Variants in PTPRF observed in about 807,000 individuals in gnomAD.
PTPRF encodes receptor-type tyrosine-protein phosphatase F.
Under a neutral mutation model 201.8 loss-of-function variants are expected in PTPRF, and 59 were observed. That is an observed-to-expected ratio of 0.29 (90% CI 0.24 to 0.36). The LOEUF (loss-of-function observed/expected upper bound fraction) is 0.36. PTPRF is among the 10% of genes least tolerant of loss of function. PTPRF has a pLI of 1.00. For synonymous variants in PTPRF, 1,088 were observed against 1,089.7 expected, an observed-to-expected ratio of 1.00 and a Z score of 0.03; for missense variants, 2,132 against 2,690.5, an observed-to-expected ratio of 0.79 and a Z score of 4.59.
chr1:43,579,235 GGTGTATGTGCAT>G (rs1350834390), intron 7 of PTPRF: 1 of 578,570 alleles, frequency 1.7e-6, no homozygotes, highest in Non-Finnish European at 3.4e-6. Flanking sequence ...CCGACTTCTT[GGTGTATGTGCAT>G]GTGTGTGTGC....
intron 8 of PTPRF, among the ~76,000 whole-genome samples, 158 bp from the exon 9 acceptor site, chr1:43,590,814 G>A (rs1650481684): frequency 6.6e-6 from 1 of 152,218 alleles, no homozygotes; most frequent in Non-Finnish European, 1.5e-5. Context: ...TGCCTTCAGA[G>A]GTCACCATAA....
rs1293508291 is a variant in PTPRF at position 43,553,112 on chromosome 1, A to ACGCCTTTTT, written c.92-378_92-370dup. Among the ~76,000 whole-genome samples, 2 of 152,130 alleles carry ACGCCTTTTT rather than the reference A, an allele frequency of 1.3e-5. No homozygotes were observed. Among genetic ancestry groups the ACGCCTTTTT allele is most frequent in the Admixed American group, 1.3e-4 (2 of 15,270 alleles). The stretch of plus-strand genomic sequence containing the variant: ...GAGCTCTTCCCAGCAGCTCTCCAGC[A>ACGCCTTTTT]CGCCTTTTTCCTGGAGCTTGGAATT... On this transcript the variant is annotated intron_variant, in intron 3 of 33. Coordinates refer to ENST00000359947, the MANE Select transcript of PTPRF (RefSeq NM_002840.5). This position sits in a 1 kb window ranked among gnomAD's most constrained non-coding sequence, Gnocchi z 4.1.
At position 43,590,982 on chromosome 1, in the gene PTPRF, G is replaced by A; in HGVS notation, c.960G>A (p.Lys320=). ...TAQVTVKALP[K]PPIDLVVTET... ...CCACTTTGTCTCCAGCTCTTCCAAA[G>A]CCTCCGATTGATCTTGTGGTGACAG... is the stretch of plus-strand genomic sequence containing the variant. Residue 320 remains lysine, a synonymous_variant, in exon 9 of 34, where the codon AAG becomes AAA. Coordinates refer to ENST00000359947, the MANE Select transcript of PTPRF (RefSeq NM_002840.5). 1 of 1,607,046 alleles carries A rather than the reference G, an allele frequency of 6.2e-7. No homozygotes were observed. The highest frequency in any genetic ancestry group is 1.3e-5 in the African/African-American group (1 of 74,892).
At position 43,622,639 on chromosome 1, in the gene PTPRF, A is replaced by C. The variant is rs1222174072; in HGVS notation, c.*636A>C. The C allele has an allele frequency of 6.5e-6, 1 of 152,706 alleles. No individual in the cohort carries two copies. Among genetic ancestry groups the C allele is most frequent in the South Asian group, 2.1e-4 (1 of 4,832 alleles). The allele number at this position is 152,706 out of a possible 1,614,324, so 9.5% of individuals were successfully genotyped here. ...GATCCTGTTTCAGCTAAATGCAGGGAAACTCAATGTTTTTTTAAGTTTTGT... is the reference window on the plus strand; with the variant it reads ...GATCCTGTTTCAGCTAAATGCAGGGCAACTCAATGTTTTTTTAAGTTTTGT... On this transcript the variant is annotated 3_prime_UTR_variant, in exon 34 of 34. Transcript: ENST00000359947.
At position 43,604,019 on chromosome 1, in the gene PTPRF, G is replaced by A. The variant is rs141556963; in HGVS notation, c.2867G>A (p.Arg956Gln). The A allele has an allele frequency of 5.6e-6, 9 of 1,614,096 alleles. No individual in the cohort carries two copies. Among genetic ancestry groups the A allele is most frequent in the South Asian group, 1.1e-5 (1 of 91,082 alleles). ...ATCATCAGCTACACCGTGGTGTTCC[G>A]AGACATCAACAGCCAACAGGAGCTG... is the stretch of plus-strand genomic sequence containing the variant. ...GRIISYTVVF[R>Q]DINSQQELQN... Residue 956 changes from arginine to glutamine, a missense_variant, in exon 16 of 34, where the codon CGA becomes CAA. This residue lies in a region of PTPRF where 818 missense variants were observed against 915.3 expected (regional missense o/e 0.89). Transcript: ENST00000359947.
intron 9 of PTPRF, 47 bp from the exon 10 acceptor site, chr1:43,591,764 CT>C (rs775774088): frequency 1.0e-4 from 162 of 1,606,642 alleles, no homozygotes; most frequent in Non-Finnish European, 1.3e-4. Context: ...CTGGGCACCC[CT>C]GACCTCACGC....
At position 43,619,711 on chromosome 1, in the gene PTPRF, G is replaced by A. The variant is rs755516127; in HGVS notation, c.4964G>A (p.Arg1655His). The A allele has an allele frequency of 5.0e-6, 8 of 1,614,082 alleles. No homozygotes were observed. The highest frequency in any genetic ancestry group is 3.3e-5 in the South Asian group (3 of 91,092). ...GCCAGCTCCAAGGCCCACACGTCCC[G>A]CTTCATCAGCGCCAACCTGCCCTGC... ...LLASSKAHTS[R>H]FISANLPCNK... The change falls in exon 29 of 34, where the codon CGC becomes CAC. Residue 1655 changes from arginine to histidine, a missense_variant. Coordinates refer to ENST00000359947, the MANE Select transcript of PTPRF (RefSeq NM_002840.5).
chr1:43,596,228 G>A (rs1463275382), intron 11 of PTPRF, among the ~76,000 whole-genome samples: 1 of 152,186 alleles, frequency 6.6e-6, no homozygotes, highest in East Asian at 1.9e-4. Context: ...GACTGAGCAA[G>A]AACAAGGGGG....
intron 23 of PTPRF, among the ~76,000 whole-genome samples, chr1:43,616,414 A>T (rs990055659): frequency 2.6e-5 from 4 of 151,768 alleles, no homozygotes; most frequent in Non-Finnish European, 5.9e-5. Flanking sequence ...TTTTGGAAGG[A>T]TTATTCTGGC....
chr1:43,522,749 T>A (rs1642990479), upstream of PTPRF, among the ~76,000 whole-genome samples: 5 of 151,620 alleles, frequency 3.3e-5, no homozygotes, highest in Admixed American at 3.3e-4. Flanking sequence ...ATGCAGTATG[T>A]TTGAGGAATT....
At chr1:43,583,136 G>A (rs923993883) in intron 7 of PTPRF, 79 of 977,116 alleles carry the variant, frequency 8.1e-5, no homozygotes, top group Non-Finnish European at 9.2e-5. Flanking sequence ...TTCGCCCATC[G>A]ATGGGACACG....
intron 5 of PTPRF, among the ~76,000 whole-genome samples, chr1:43,559,779 AGCAG>A (rs1645665844): frequency 6.7e-6 from 1 of 149,016 alleles, no homozygotes; most frequent in African/African-American, 2.5e-5. Context: ...GGTGGTGTGC[AGCAG>A]GCAGTGTGTT....
At chr1:43,621,637 C>G (rs1309685535) in intron 33 of PTPRF, among the ~76,000 whole-genome samples, 1 of 152,186 alleles carries the variant, frequency 6.6e-6, no homozygotes, top group Non-Finnish European at 1.5e-5. Flanking sequence ...GTGTGCCTGG[C>G]TCTGGGCAAG....
At chr1:43,576,147 A>G (rs898056066) in intron 6 of PTPRF, among the ~76,000 whole-genome samples, 2 of 152,068 alleles carry the variant, frequency 1.3e-5, no homozygotes, top group East Asian at 3.9e-4. Flanking sequence ...TTGTGAAGAT[A>G]CTCGCCGGGC....
Position 43,620,233 on chromosome 1 carries a change from C to CT in PTPRF, c.5238+15dup. 2 of 1,613,570 alleles carry CT rather than the reference C, an allele frequency of 1.2e-6. No homozygotes were observed. Among genetic ancestry groups the CT allele is most frequent in the Middle Eastern group, 3.3e-4 (2 of 6,050 alleles). On this transcript the variant is annotated intron_variant, in intron 30 of 33. Coordinates refer to ENST00000359947, the MANE Select transcript of PTPRF (RefSeq NM_002840.5). Reference sequence around the variant, plus strand: ...GGGAGATGGGCAGGGTGAGCCCACCCTTTCCCCCAGGGCCCCTGTCATACC... The same window carrying CT: ...GGGAGATGGGCAGGGTGAGCCCACCCTTTTCCCCCAGGGCCCCTGTCATACC...
At chr1:43,578,333 G>A (rs537689350) in intron 6 of PTPRF, among the ~76,000 whole-genome samples, 52 of 152,318 alleles carry the variant, frequency 3.4e-4, no homozygotes, top group East Asian at 1.9e-4. Flanking sequence ...TTCCTTCCTG[G>A]TGGGCGGCAA....
chr1:43,565,842 GCGCCTGCA>G (rs1646131785), intron 5 of PTPRF, among the ~76,000 whole-genome samples: 1 of 152,116 alleles, frequency 6.6e-6, no homozygotes, highest in African/African-American at 2.4e-5. Context: ...GCGGACGCGC[GCGCCTGCA>G]CGGACTCGGG....
chr1:43,603,456 C>T lies in PTPRF; in HGVS notation c.2381C>T (p.Ser794Phe), dbSNP rs1396097094. ...ISGLTPETTY[S>F]VTVAAYTTKG... ...GGCCTGACCCCGGAGACCACCTACT[C>T]CGTTACTGTTGCTGCCTATACCACC... is the stretch of plus-strand genomic sequence containing the variant. Residue 794 changes from serine to phenylalanine, a missense_variant, in exon 15 of 34, where the codon TCC becomes TTC. Around this residue, in one of 6 missense-constraint regions of PTPRF, gnomAD observed 818 missense variants for 915.3 expected, o/e 0.89. Coordinates refer to ENST00000359947, the MANE Select transcript of PTPRF (RefSeq NM_002840.5). The surrounding 1 kb of genome is among the most constrained non-coding windows in gnomAD (Gnocchi z 5.8). The T allele has an allele frequency of 3.7e-6, 6 of 1,614,176 alleles. No individual in the cohort carries two copies. Among genetic ancestry groups the T allele is most frequent in the South Asian group, 1.1e-5 (1 of 91,082 alleles).
chr1:43,568,721 T>C (rs1162816434), intron 5 of PTPRF, among the ~76,000 whole-genome samples: 4 of 151,958 alleles, frequency 2.6e-5, no homozygotes, highest in African/African-American at 9.7e-5. Flanking sequence ...GGGGCTGATA[T>C]GGGAGCCCAT....
Sources: gnomAD v4.1 joint callset for allele counts (sites outside exome capture counted in the v4.1 genomes callset) on GRCh38, gnomAD v4.1.1 for gene constraint, gnomAD v4.1.1 regional missense constraint, Gnocchi (gnomAD v3.1) non-coding constraint, MANE v1.5 for transcripts, NCBI Gene and HGNC (gene_info 2026-07-23, HGNC 2026-07-21) for gene names.